BAZ2B: variants seen among roughly 807,000 people sequenced by gnomAD.
The protein encoded by BAZ2B is bromodomain adjacent to zinc finger domain protein 2B.
Under a neutral mutation model 246.0 loss-of-function variants are expected in BAZ2B, and 91 were observed. That is an observed-to-expected ratio of 0.37 (90% confidence interval 0.31 to 0.44). The LOEUF (loss-of-function observed/expected upper bound fraction) is 0.44, where lower values mean the gene tolerates loss of function less well. Among genes scored for constraint, BAZ2B ranks in the 20% least tolerant of loss-of-function variants. BAZ2B has a pLI of 1.00. For missense variants in BAZ2B, 2,332 were observed against 2,533.7 expected, an observed-to-expected ratio of 0.92 and a Z score of 1.71; for synonymous variants, 855 against 860.0, an observed-to-expected ratio of 0.99 and a Z score of 0.10.
In BAZ2B at chr2:159,382,674, C is replaced by T; in HGVS notation, c.3890G>A (p.Ser1297Asn). Residue 1297 changes from serine (S) to asparagine (N), a missense_variant, in exon 25 of 37, where the codon AGT becomes AAT. Ser to Asn is a conservative substitution (Grantham distance 46). Around this residue, in one of 9 missense-constraint regions of BAZ2B, gnomAD observed 676 missense variants for 668.6 expected, o/e 1.01. Coordinates refer to ENST00000392783, the MANE Select transcript of BAZ2B (RefSeq NM_013450.4). Reference protein sequence around the residue: ...GRKRRRKGGDSDYDDDDDDDS... With the variant: ...GRKRRRKGGDNDYDDDDDDDS... ...ATCGTCATCATCATCGTCATAATCA[C>T]TGTCTCCTCCCTTCCTTCTTCGCTT... The T allele has an allele frequency of 2.5e-6, 4 of 1,608,828 alleles. No homozygotes were observed. Among genetic ancestry groups the T allele is most frequent in the Non-Finnish European group, 3.4e-6 (4 of 1,176,990 alleles).
At chr2:159,323,523 C>T (rs2063006936) in intron 36 of BAZ2B, among the ~76,000 whole-genome samples, 1 of 151,900 alleles carries the variant, frequency 6.6e-6, no homozygotes, top group Non-Finnish European at 1.5e-5. Flanking sequence ...ACAAAAGAGG[C>T]TGGGTGAGGT....
At chr2:159,467,198 C>T (rs1171516711) in intron 3 of BAZ2B, among the ~76,000 whole-genome samples, 2 of 152,020 alleles carry the variant, frequency 1.3e-5, no homozygotes, top group African/African-American at 2.4e-5. Flanking sequence ...AGAAGGCAGG[C>T]AGGATTAGGT....
the BAZ2B span, among the ~76,000 whole-genome samples, chr2:159,662,388 T>G: frequency 6.6e-6 from 1 of 152,238 alleles, no homozygotes; most frequent in Non-Finnish European, 1.5e-5. Flanking sequence ...GGTATTTCTA[T>G]GTTTAGCTTT....
At chr2:159,658,190 T>C in the BAZ2B span, among the ~76,000 whole-genome samples, 2 of 152,228 alleles carry the variant, frequency 1.3e-5, no homozygotes, top group African/African-American at 2.4e-5. Flanking sequence ...TAGGATCATA[T>C]GATTTCTTTA....
At chr2:159,707,805 C>T in the BAZ2B span, among the ~76,000 whole-genome samples, 1,071 of 151,026 alleles carry the variant, frequency 7.1e-3, 8 homozygotes, top group Non-Finnish European at 0.011. Flanking sequence ...CCAGCCTGGG[C>T]GACAGAGCAA....
chr2:159,506,747 A>G (rs1317468714), intron 2 of BAZ2B, among the ~76,000 whole-genome samples: 2 of 152,224 alleles, frequency 1.3e-5, no homozygotes, highest in African/African-American at 4.8e-5. Context: ...TTCTCCTCTC[A>G]GTTTTTAACC....
intron 2 of BAZ2B, among the ~76,000 whole-genome samples, chr2:159,481,435 T>C (rs969516539): frequency 6.6e-6 from 1 of 150,432 alleles, no homozygotes; most frequent in African/African-American, 2.4e-5. Flanking sequence ...AATATATATA[T>C]AAATAATAAA....
At chr2:159,464,483 T>C (rs980734163) in intron 3 of BAZ2B, 5 of 152,200 alleles carry the variant, frequency 3.3e-5, no homozygotes, top group Admixed American at 2.6e-4. Context: ...GGGCCCATAA[T>C]GTTGCTATGT....
At chr2:159,651,628 T>G in the BAZ2B span, among the ~76,000 whole-genome samples, 1 of 152,198 alleles carries the variant, frequency 6.6e-6, no homozygotes, top group Non-Finnish European at 1.5e-5. Context: ...ATATATAATT[T>G]AGTGCTTTTT....
At chr2:159,633,872 T>C in the BAZ2B span, among the ~76,000 whole-genome samples, 9,864 of 151,698 alleles carry the variant, frequency 0.065, 448 homozygotes, top group East Asian at 0.23. Context: ...CCCAAGTAGC[T>C]GGAATTACCA....
chr2:159,695,391 T>C, the BAZ2B span: 33 of 151,936 alleles, frequency 2.2e-4, no homozygotes, highest in Admixed American at 1.3e-4. Context: ...TCTAGTTTTC[T>C]TTGGTTGCTT....
the BAZ2B span, among the ~76,000 whole-genome samples, chr2:159,711,305 TA>T: frequency 6.6e-6 from 1 of 152,256 alleles, no homozygotes; most frequent in Non-Finnish European, 1.5e-5. Flanking sequence ...TTTCATTTCA[TA>T]TCCTAAAAGT....
chr2:159,326,011 G>A (rs2063665351), intron 34 of BAZ2B, 93 bp from the exon 35 acceptor site: 1 of 1,080,600 alleles, frequency 9.3e-7, no homozygotes, highest in Non-Finnish European at 1.3e-6. Flanking sequence ...GGACAAATAA[G>A]TAAAAAGAAT....
chr2:159,546,489 T>C (rs930398798), intron 2 of BAZ2B, among the ~76,000 whole-genome samples: 1 of 147,482 alleles, frequency 6.8e-6, no homozygotes, highest in Non-Finnish European at 1.5e-5. Flanking sequence ...CTAATACATC[T>C]AGTATGCCCT....
chr2:159,342,442 C>T (rs1408908890), intron 31 of BAZ2B, among the ~76,000 whole-genome samples: 5 of 152,162 alleles, frequency 3.3e-5, no homozygotes, highest in Admixed American at 6.5e-5. Flanking sequence ...CGTGTCACTA[C>T]GCCCACCTAA....
the BAZ2B span, among the ~76,000 whole-genome samples, chr2:159,648,874 A>T: frequency 6.6e-6 from 1 of 152,250 alleles, no homozygotes; most frequent in Non-Finnish European, 1.5e-5. Context: ...TATGTATTCA[A>T]TTTTTTTAAA....
intron 14 of BAZ2B, among the ~76,000 whole-genome samples, chr2:159,405,457 C>T (rs950432144): frequency 2.1e-4 from 32 of 152,022 alleles, no homozygotes; most frequent in Non-Finnish European, 2.8e-4. Context: ...TGATCTGCCC[C>T]GCCTCGGCCT....
At chr2:159,710,697 G>A in the BAZ2B span, 2 of 152,132 alleles carry the variant, frequency 1.3e-5, no homozygotes, top group Non-Finnish European at 2.9e-5. Context: ...TTTAGCATAG[G>A]AAATTGGTGT....
At chr2:159,500,623 C>T (rs777736964) in intron 2 of BAZ2B, among the ~76,000 whole-genome samples, 1 of 152,098 alleles carries the variant, frequency 6.6e-6, no homozygotes, top group Non-Finnish European at 1.5e-5. Flanking sequence ...AGTATACATC[C>T]TAAACATGTC....
Sources: gnomAD v4.1 joint callset for allele counts (sites outside exome capture counted in the v4.1 genomes callset) on GRCh38, gnomAD v4.1.1 for gene constraint, gnomAD v4.1.1 regional missense constraint, MANE v1.5 for transcripts, NCBI Gene and HGNC (gene_info 2026-07-23, HGNC 2026-07-21) for gene names.